Variants in TFB1M observed in about 807,000 individuals in gnomAD.
TFB1M encodes the protein transcription factor B1, mitochondrial.
A neutral mutation model predicts 31.1 loss-of-function variants in TFB1M; 27 were observed. That is an observed-to-expected ratio of 0.87 (90% CI 0.64 to 1.20). The LOEUF is 1.20. TFB1M is among the 50% of genes most tolerant of loss of function. The pLI is 0.00. For missense variants in TFB1M, 394 were observed against 418.7 expected, an observed-to-expected ratio of 0.94 and a Z score of 0.51; for synonymous variants, 166 against 151.8, an observed-to-expected ratio of 1.09 and a Z score of -0.69.
At position 155,256,992 on chromosome 6, in the gene TFB1M, T is replaced by TGACA. The variant is rs959125314; in HGVS notation, c.*840_*843dup. 4 of 1,614,046 alleles carry TGACA rather than the reference T, an allele frequency of 2.5e-6. No homozygotes were observed. The highest frequency in any genetic ancestry group is 1.3e-5 in the African/African-American group (1 of 74,922). ...AGGCGCAGATCCGTCACCAGTCCCT[T>TGACA]GACAGTCAGTCTGAAAATGCCACCA... is the stretch of plus-strand genomic sequence containing the variant. On this transcript the variant is annotated 3_prime_UTR_variant, in exon 7 of 7. Transcript: ENST00000367166.
At chr6:155,251,782 A>G (rs1402705412), downstream of TFB1M, among the ~76,000 whole-genome samples, 3 of 152,246 alleles carry the variant, frequency 2.0e-5, no homozygotes, top group African/African-American at 4.8e-5. Context: ...TAGTTCAAAT[A>G]TGAGCGAAAG....
chr6:155,260,536 G>A (rs1003521466), intron 5 of TFB1M, 136 bp from the exon 6 acceptor site: 9 of 1,136,630 alleles, frequency 7.9e-6, no homozygotes, highest in Non-Finnish European at 2.6e-6. Flanking sequence ...CACGTACTTC[G>A]GTTTCATCTC....
At chr6:155,305,560 AT>A (rs1436220504) in intron 2 of TFB1M, among the ~76,000 whole-genome samples, 2 of 61,458 alleles carry the variant, frequency 3.3e-5, no homozygotes, top group Non-Finnish European at 5.2e-5. Context: ...TATATATTAA[AT>A]TATATATTTA....
At position 155,257,305 on chromosome 6, in the gene TFB1M, G is replaced by GATGA; in HGVS notation, c.*527_*530dup. On this transcript the variant is annotated 3_prime_UTR_variant, in exon 7 of 7. Coordinates refer to ENST00000367166, the MANE Select transcript of TFB1M (RefSeq NM_016020.4). ...TAATTTATTGTGGATCAGAAACCTA[G>GATGA]ATGAAACTGGTCAGAATCTGTAAAT... 1.5e-6 allele frequency: 1 copy of GATGA among 669,594 alleles called. No homozygotes were observed. The highest frequency in any genetic ancestry group is 2.4e-6 in the Non-Finnish European group (1 of 410,214). The allele number at this position is 669,594 out of a possible 1,614,324, so 41.5% of individuals were successfully genotyped here.
chr6:155,236,400 T>C, the TFB1M span, among the ~76,000 whole-genome samples: 1 of 152,086 alleles, frequency 6.6e-6, no homozygotes, highest in Admixed American at 6.5e-5. Context: ...TGGTGGCTCA[T>C]GCCTGTAATC....
At chr6:155,246,620 GCCA>G in the TFB1M span, among the ~76,000 whole-genome samples, 1 of 152,168 alleles carries the variant, frequency 6.6e-6, no homozygotes, top group Non-Finnish European at 1.5e-5. Context: ...ATAGGCATGA[GCCA>G]CCACGCCTGG....
intron 5 of TFB1M, among the ~76,000 whole-genome samples, chr6:155,275,289 T>G (rs1279296463): frequency 1.3e-5 from 2 of 152,210 alleles, no homozygotes; most frequent in Admixed American, 1.3e-4. Context: ...AAATTCTTTA[T>G]CAGATACTAT....
intron 4 of TFB1M, among the ~76,000 whole-genome samples, chr6:155,287,355 T>C (rs1163091214): frequency 6.6e-6 from 1 of 152,186 alleles, no homozygotes; most frequent in African/African-American, 2.4e-5. Context: ...ATTATGGTAT[T>C]ATGTGTAATG....
chr6:155,230,134 T>C, the TFB1M span, among the ~76,000 whole-genome samples: 5 of 151,744 alleles, frequency 3.3e-5, no homozygotes, highest in East Asian at 9.8e-4. Flanking sequence ...AAGCTGTGTG[T>C]CCAGTAGGCA....
chr6:155,252,829 C>T (rs1294254800), downstream of TFB1M: 11 of 844,256 alleles, frequency 1.3e-5, no homozygotes, highest in African/African-American at 1.3e-4. Context: ...CCCTGAACAC[C>T]CACATGGCTG....
rs532680349 is a variant in TFB1M at position 155,304,041 on chromosome 6, G to A, written c.286-5456C>T. Among the ~76,000 whole-genome samples, 35 of 152,140 alleles carry A rather than the reference G, an allele frequency of 2.3e-4. 1 individual carries two copies. Among genetic ancestry groups the A allele is most frequent in the Admixed American group, 4.6e-4 (7 of 15,256 alleles). On this transcript the variant is annotated intron_variant, in intron 2 of 6. Coordinates refer to ENST00000367166, the MANE Select transcript of TFB1M (RefSeq NM_016020.4). ...ACCTATAAGAAAACCCAAAGGTTAG[G>A]AGGCCAAGGCAGGTGAATCACCTGA... is the stretch of plus-strand genomic sequence containing the variant.
At chr6:155,273,261 T>G (rs772304659) in intron 5 of TFB1M, among the ~76,000 whole-genome samples, 1 of 152,228 alleles carries the variant, frequency 6.6e-6, no homozygotes, top group Non-Finnish European at 1.5e-5. Context: ...CTAGGCACAC[T>G]GATGTCTACA....
chr6:155,258,073 G>A lies in TFB1M; in HGVS notation c.804C>T (p.Phe268=), dbSNP rs1784194206. 1 of 1,614,162 alleles carries A rather than the reference G, an allele frequency of 6.2e-7. No homozygotes were observed. Among genetic ancestry groups the A allele is most frequent in the East Asian group, 2.2e-5 (1 of 44,888 alleles). ...KYCHRGLRML[F]PEAQRLESTG... The stretch of plus-strand genomic sequence containing the variant: ...TGCTTTCCAAGCGCTGCGCTTCAGG[G>A]AATAACATTCTGAGGGGAAGACAGA... Residue 268 remains phenylalanine, a synonymous_variant, in exon 7 of 7, where the codon TTC becomes TTT. Transcript: ENST00000367166.
chr6:155,251,290 C>T (rs1411022131), downstream of TFB1M, among the ~76,000 whole-genome samples: 2 of 152,092 alleles, frequency 1.3e-5, no homozygotes. Context: ...CTATCTTTTT[C>T]TTTTTCTTTT....
downstream of TFB1M, among the ~76,000 whole-genome samples, chr6:155,252,394 A>G (rs1450253092): frequency 6.6e-6 from 1 of 152,202 alleles, no homozygotes. Context: ...AATTGAGCCC[A>G]GGAGGTGGAA....
Position 155,313,832 on chromosome 6 carries a change from G to A in TFB1M, c.133+464C>T, listed in dbSNP as rs76844141. On this transcript the variant is annotated intron_variant, in intron 1 of 6. Coordinates refer to ENST00000367166, the MANE Select transcript of TFB1M (RefSeq NM_016020.4). ...CGAGGCTTAGACTGAACAGGTAAAC[G>A]TTTAAAAAACGAATCATACGAGGGA... Among the ~76,000 whole-genome samples the A allele has an allele frequency of 4.0e-3, 613 of 152,178 alleles. 3 individuals carry two copies. Among genetic ancestry groups the A allele is most frequent in the African/African-American group, 0.013 (560 of 41,516 alleles).
chr6:155,245,265 C>G, the TFB1M span, among the ~76,000 whole-genome samples: 51,829 of 152,210 alleles, frequency 0.34, 9,606 homozygotes, highest in Middle Eastern at 0.5. Flanking sequence ...GACCTGGAAC[C>G]ATACAGACAG....
At chr6:155,279,540 A>G (rs142327056) in intron 5 of TFB1M, among the ~76,000 whole-genome samples, 43 of 152,340 alleles carry the variant, frequency 2.8e-4, no homozygotes, top group African/African-American at 1.0e-3. Context: ...GTAGTTAGAC[A>G]GAAGTTCAGT....
At position 155,263,778 on chromosome 6, in the gene TFB1M, G is replaced by A. The variant is rs569682677; in HGVS notation, c.667-3378C>T. On this transcript the variant is annotated intron_variant, in intron 5 of 6. Coordinates refer to ENST00000367166, the MANE Select transcript of TFB1M (RefSeq NM_016020.4). ...AAGCTAAGTCACGACCACATGCACA[G>A]ACACAGAAACAATGCTGGCCACTGT... 2.6e-5 allele frequency among the ~76,000 whole-genome samples: 4 copies of A among 152,266 alleles called. No individual in the cohort carries two copies. In the East Asian group the frequency reaches 5.8e-4, roughly 22 times the overall value.
Sources: allele counts gnomAD v4.1 joint callset (sites outside exome capture counted in the v4.1 genomes callset), GRCh38; gene constraint gnomAD v4.1.1; transcripts MANE v1.5; gene names NCBI Gene and HGNC (gene_info 2026-07-23, HGNC 2026-07-21).